FCRL1: variants seen among roughly 807,000 people sequenced by gnomAD.
FCRL1 encodes the protein Fc receptor-like protein 1.
Under a neutral mutation model 49.2 loss-of-function variants are expected in FCRL1, and 34 were observed. The observed-to-expected ratio is 0.69, with a 90% confidence interval of 0.53 to 0.92. FCRL1 has a LOEUF of 0.92. Among genes scored for constraint, FCRL1 ranks in the 40% least tolerant of loss-of-function variants. The pLI is 0.00. For missense variants in FCRL1, 524 were observed against 524.1 expected (o/e 1.00, Z 0.00); for synonymous variants, 218 against 201.6 (o/e 1.08, Z -0.69).
Position 157,801,975 on chromosome 1 carries a change from AG to A in FCRL1, c.825del (p.Cys276ValfsTer15). On this transcript the variant is annotated frameshift_variant, in exon 5 of 11. Transcript: ENST00000368176. LOFTEE classifies it high-confidence loss of function. ...SLTEEHSGNY[S>X]CEANNGLGAQ... is the part of the protein sequence containing the mutation. The stretch of plus-strand genomic sequence containing the variant: ...GCCCCCAGGCCATTGTTGGCCTCAC[AG>A]GAGTAGTTTCCAGAATGTTCTTCAG... 6.2e-7 allele frequency: 1 copy of A among 1,614,244 alleles called. No homozygotes were observed. Among genetic ancestry groups the A allele is most frequent in the Non-Finnish European group, 8.5e-7 (1 of 1,180,030 alleles).
At chr1:157,819,866 G>T in intron 1 of FCRL1, 141 bp downstream of exon 1, 1 of 920,448 alleles carries the variant, frequency 1.1e-6, no homozygotes, top group Non-Finnish European at 1.7e-6. Context: ...CTGACTCTGA[G>T]CCCTCCGTGG....
rs1198901821 is a variant in FCRL1 at position 157,795,822 on chromosome 1, A to G, written c.*277T>C. ...TTATTCCATCTTGTTTCCTCTTGTA[A>G]ACAGAAGAGCACAATATGACCTGTT... On this transcript the variant is annotated 3_prime_UTR_variant, in exon 11 of 11. Transcript: ENST00000368176. 3.0e-6 allele frequency: 1 copy of G among 330,022 alleles called. No homozygotes were observed. The highest frequency in any genetic ancestry group is 2.1e-5 in the African/African-American group (1 of 48,502). The allele number at this position is 330,022 out of a possible 1,614,324, so 20.4% of individuals were successfully genotyped here.
At chr1:157,813,872 TAA>T (rs1352333346) in intron 1 of FCRL1, among the ~76,000 whole-genome samples, 1 of 152,168 alleles carries the variant, frequency 6.6e-6, no homozygotes, top group African/African-American at 2.4e-5. Context: ...AGAATTTCTA[TAA>T]GAGTATCATC....
In FCRL1 at chr1:157,803,434, C is replaced by A. The variant is rs751698609; in HGVS notation, c.319+411G>T. ...CTGCTCCAGTAACCTATTCTACACA[C>A]TCCTTCAGCAAAGCCTTCTCTGAAC... On this transcript the variant is annotated intron_variant, in intron 3 of 10. Coordinates refer to ENST00000368176, the MANE Select transcript of FCRL1 (RefSeq NM_052938.5). 2.0e-5 allele frequency among the ~76,000 whole-genome samples: 3 copies of A among 152,248 alleles called. No homozygotes were observed. In the East Asian group the frequency reaches 5.8e-4, roughly 29 times the overall value.
chr1:157,801,173 A>G lies in FCRL1; in HGVS notation c.1003+288T>C, dbSNP rs542097273. Among the ~76,000 whole-genome samples the G allele has an allele frequency of 1.8e-4, 28 of 152,330 alleles. No homozygotes were observed. The South Asian group carries it at 5.4e-3, about 29-fold the overall frequency. ...CAAAAGTGCTGGGATTACAGGCGTG[A>G]GCCACCGCCCCCGGCCAAATCATTA... On this transcript the variant is annotated intron_variant, in intron 6 of 10. Transcript: ENST00000368176.
intron 2 of FCRL1, 66 bp from the exon 3 acceptor site, chr1:157,804,177 G>C: frequency 6.4e-7 from 1 of 1,571,204 alleles, no homozygotes; most frequent in Non-Finnish European, 8.6e-7. Context: ...GGCAGTTTGT[G>C]TCTCAGCACT....
At chr1:157,807,146 C>T (rs772746329) in intron 1 of FCRL1, 24 bp from the exon 2 acceptor site, 2 of 1,608,598 alleles carry the variant, frequency 1.2e-6, no homozygotes, top group Admixed American at 1.7e-5. Flanking sequence ...CAGCAGAGAT[C>T]AGTACAGAGC....
chr1:157,803,206 G>T (rs1447243779), intron 3 of FCRL1, among the ~76,000 whole-genome samples: 1 of 152,210 alleles, frequency 6.6e-6, no homozygotes, highest in Non-Finnish European at 1.5e-5. Context: ...GGTGGTGGTG[G>T]TCCAGTTTCA....
At position 157,804,115 on chromosome 1, in the gene FCRL1, G is replaced by T. The variant is rs1480957220; in HGVS notation, c.53-4C>A. The T allele has an allele frequency of 6.2e-7, 1 of 1,613,312 alleles. No individual in the cohort carries two copies. Among genetic ancestry groups the T allele is most frequent in the African/African-American group, 1.3e-5 (1 of 74,854 alleles). ...GGGCTGGCTATCAAAAACAGCTCTA[G>T]AGAGAGGAATTAAACACAAATGATT... On this transcript the variant is annotated splice_region_variant and splice_polypyrimidine_tract_variant and intron_variant, in intron 2 of 10. Transcript: ENST00000368176.
At chr1:157,797,594 G>A (rs1161461319) in intron 9 of FCRL1, 2 of 683,942 alleles carry the variant, frequency 2.9e-6, no homozygotes, top group African/African-American at 3.6e-5. Flanking sequence ...GGGAGGTCAG[G>A]AAGAGGTAAG....
At chr1:157,800,267 A>G (rs1346927581) in intron 6 of FCRL1, among the ~76,000 whole-genome samples, 182 bp from the exon 7 acceptor site, 1 of 152,140 alleles carries the variant, frequency 6.6e-6, no homozygotes, top group Non-Finnish European at 1.5e-5. Context: ...ACAGATGGAA[A>G]CTCAGGTCCT....
chr1:157,802,912 C>T (rs1357569767), intron 3 of FCRL1, among the ~76,000 whole-genome samples: 2 of 152,152 alleles, frequency 1.3e-5, no homozygotes, highest in African/African-American at 2.4e-5. Context: ...ACTTCCACTA[C>T]CTTAATCTCT....
chr1:157,802,258 C>A, intron 4 of FCRL1, 65 bp from the exon 5 acceptor site: 2 of 1,576,438 alleles, frequency 1.3e-6, no homozygotes, highest in Non-Finnish European at 1.7e-6. Flanking sequence ...AATCCCTGCC[C>A]ACCGATGCTC....
rs115021852 is a variant in FCRL1 at position 157,814,851 on chromosome 1, G to C, written c.31+5156C>G. Among the ~76,000 whole-genome samples the C allele has an allele frequency of 6.3e-3, 961 of 151,942 alleles. 10 individuals are homozygous for C. The highest frequency in any genetic ancestry group is 0.022 in the African/African-American group (914 of 41,522). ...GAATTTAAGTCAAAAACTATAAAAAGACACAAAGAAGGCCATTGTATAATG... is the reference window on the plus strand; with the variant it reads ...GAATTTAAGTCAAAAACTATAAAAACACACAAAGAAGGCCATTGTATAATG... On this transcript the variant is annotated intron_variant, in intron 1 of 10. Coordinates refer to ENST00000368176, the MANE Select transcript of FCRL1 (RefSeq NM_052938.5).
intron 7 of FCRL1, among the ~76,000 whole-genome samples, chr1:157,799,529 G>C (rs1467272616): frequency 6.6e-6 from 1 of 151,874 alleles, no homozygotes; most frequent in African/African-American, 2.4e-5. Flanking sequence ...CTCATGATTT[G>C]TCTCTCTGTT....
At chr1:157,803,160 G>A (rs1370907217) in intron 3 of FCRL1, among the ~76,000 whole-genome samples, 4 of 152,216 alleles carry the variant, frequency 2.6e-5, no homozygotes, top group Non-Finnish European at 5.9e-5. Flanking sequence ...CATTAGGATA[G>A]GGACTGCCAT....
At chr1:157,816,314 A>G (rs1655010023) in intron 1 of FCRL1, among the ~76,000 whole-genome samples, 1 of 151,978 alleles carries the variant, frequency 6.6e-6, no homozygotes, top group African/African-American at 2.4e-5. Flanking sequence ...AATAGAAATG[A>G]TACATCACAT....
intron 9 of FCRL1, 183 bp downstream of exon 9, chr1:157,797,685 G>A (rs903586995): frequency 2.1e-6 from 3 of 1,459,758 alleles, no homozygotes; most frequent in South Asian, 1.2e-5. Context: ...AAGAACCTTA[G>A]CATTAGCTCT....
chr1:157,803,805 T>A (rs769351848), intron 3 of FCRL1, 40 bp downstream of exon 3: 1 of 1,600,388 alleles, frequency 6.2e-7, no homozygotes, highest in South Asian at 1.1e-5. Context: ...CCACTGCCCT[T>A]CTCAGCCTAT....
Sources: gnomAD v4.1 joint callset for allele counts (sites outside exome capture counted in the v4.1 genomes callset) on GRCh38, gnomAD v4.1.1 for gene constraint, MANE v1.5 for transcripts, NCBI Gene and HGNC (gene_info 2026-07-23, HGNC 2026-07-21) for gene names.